The following CCDC171 variants were observed in gnomAD, a reference collection of about 807,000 sequenced individuals.
The protein encoded by CCDC171 is coiled-coil domain-containing protein 171.
CCDC171 carries 177 observed loss-of-function variants against 168.2 expected under a neutral mutation model. The ratio of observed to expected loss-of-function variants is 1.05; its 90% CI spans 0.93 to 1.19. The LOEUF (loss-of-function observed/expected upper bound fraction) is 1.19. Among genes scored for constraint, CCDC171 ranks in the 50% most tolerant of loss-of-function variants. The probability of loss-of-function intolerance (pLI) is 0.00; values close to 1 mark genes in which losing one functional copy is unlikely to be tolerated. For missense variants in CCDC171, 1,991 were observed against 1,539.0 expected (o/e 1.29, Z -4.91); for synonymous variants, 687 against 540.8 (o/e 1.27, Z -3.75).
intron 25 of CCDC171, among the ~76,000 whole-genome samples, chr9:15,923,630 A>G (rs1318174174): frequency 6.6e-6 from 1 of 151,304 alleles, no homozygotes; most frequent in Non-Finnish European, 1.5e-5. Flanking sequence ...GAAAAGTGCA[A>G]AGAGTGGATT....
intron 3 of CCDC171, among the ~76,000 whole-genome samples, chr9:15,573,502 G>C (rs1003666622): frequency 2.6e-5 from 4 of 152,016 alleles, no homozygotes; most frequent in African/African-American, 9.7e-5. Flanking sequence ...GGCTGGTCTT[G>C]AACTCCTCAC....
downstream of CCDC171, among the ~76,000 whole-genome samples, chr9:16,066,172 C>T (rs1215585900): frequency 6.6e-6 from 1 of 152,128 alleles, no homozygotes; most frequent in South Asian, 2.1e-4. Context: ...AACCTCTTCT[C>T]GGTCACTCTT....
chr9:15,648,984 C>G (rs1046650279), intron 7 of CCDC171, among the ~76,000 whole-genome samples: 21 of 152,276 alleles, frequency 1.4e-4, no homozygotes, highest in African/African-American at 4.6e-4. Context: ...ATCATGCTAC[C>G]TGACTTCAAA....
At chr9:16,005,174 T>A (rs531902797) in intron 3 of CCDC171, among the ~76,000 whole-genome samples, 36 of 152,334 alleles carry the variant, frequency 2.4e-4, no homozygotes, top group Admixed American at 2.1e-3. Flanking sequence ...CCACTCCACC[T>A]GCCCTAGGCA....
intron 8 of CCDC171, among the ~76,000 whole-genome samples, chr9:15,658,928 A>G (rs779245716): frequency 6.6e-6 from 1 of 152,162 alleles, no homozygotes; most frequent in Non-Finnish European, 1.5e-5. Flanking sequence ...CAGGGGACAA[A>G]CTGAGAATGC....
chr9:15,836,439 T>C (rs563447702), intron 21 of CCDC171, among the ~76,000 whole-genome samples: 35 of 152,182 alleles, frequency 2.3e-4, no homozygotes, highest in East Asian at 5.8e-4. Context: ...CATCTCGGCT[T>C]ACTGCAAGCT....
chr9:15,855,745 A>G (rs2061325935), intron 23 of CCDC171, among the ~76,000 whole-genome samples: 1 of 151,838 alleles, frequency 6.6e-6, no homozygotes, highest in South Asian at 2.1e-4. Context: ...ATTATAATTA[A>G]CATCTTAATT....
At chr9:15,722,503 CTT>C (rs1008423619) in intron 12 of CCDC171, among the ~76,000 whole-genome samples, 1 of 152,072 alleles carries the variant, frequency 6.6e-6, no homozygotes, top group Non-Finnish European at 1.5e-5. Flanking sequence ...TGAATTTGTG[CTT>C]TAAGAATTGA....
rs769755121 is a variant in CCDC171, at chr9:15,846,741, C to T, written c.3307C>T (p.Gln1103Ter). The T allele has an allele frequency of 9.3e-6, 15 of 1,612,836 alleles. No individual in the cohort carries two copies. The highest frequency in any genetic ancestry group is 1.3e-5 in the Non-Finnish European group (15 of 1,179,418). Residue 1103 changes from glutamine to a stop codon, truncating the protein, a stop_gained, in exon 22 of 26, where the codon CAA becomes TAA. Transcript: ENST00000380701. LOFTEE classifies it high-confidence loss of function. ...AAAGATGGAGCTGAGAAGAAAAGAT[C>T]AATCTCTGCGTCAGCTCAATAGACA... ...EAKMELRRKD[Q>*]SLRQLNRHLT...
At chr9:15,790,098 C>T (rs529923977) in intron 21 of CCDC171, among the ~76,000 whole-genome samples, 3 of 152,124 alleles carry the variant, frequency 2.0e-5, no homozygotes, top group Non-Finnish European at 4.4e-5. Flanking sequence ...GATTTATAAT[C>T]CTTTGGGTAT....
intron 6 of CCDC171, among the ~76,000 whole-genome samples, chr9:15,613,122 G>A (rs2043822956): frequency 6.6e-6 from 1 of 152,150 alleles, no homozygotes; most frequent in South Asian, 2.1e-4. Context: ...TTAGCTTTTT[G>A]AGGAACTGAC....
chr9:16,025,210 G>A (rs141898231), intron 6 of CCDC171, among the ~76,000 whole-genome samples: 2,404 of 152,306 alleles, frequency 0.016, 74 homozygotes, highest in South Asian at 0.1. Context: ...GGGAGGCCAA[G>A]GCAGGTGGAT....
downstream of CCDC171, among the ~76,000 whole-genome samples, chr9:16,062,531 C>G (rs1033700143): frequency 1.3e-5 from 2 of 151,934 alleles, no homozygotes; most frequent in Non-Finnish European, 2.9e-5. Flanking sequence ...CAAACCTGCC[C>G]CTGTATGCCC....
In CCDC171 at chr9:15,818,397, G is replaced by A. The variant is rs1001888119; in HGVS notation, c.3268-28305G>A. On this transcript the variant is annotated intron_variant, in intron 21 of 25. Coordinates refer to ENST00000380701, the MANE Select transcript of CCDC171 (RefSeq NM_173550.4). ...AGGCTTCAGAAGATAAAACTACTCC[G>A]AGCTAAAGGAGGAAGTTCGAACGAA... 2.3e-4 allele frequency among the ~76,000 whole-genome samples: 27 copies of A among 116,942 alleles called. 8 individuals are homozygous for A. The highest frequency in any genetic ancestry group is 8.7e-4 in the African/African-American group (27 of 31,040). 76.7% of individuals were successfully genotyped at this position (116,942 alleles called of 152,430 possible).
chr9:15,767,495 C>G (rs1222157787), intron 18 of CCDC171, among the ~76,000 whole-genome samples: 1 of 151,586 alleles, frequency 6.6e-6, no homozygotes, highest in East Asian at 2.0e-4. Flanking sequence ...GATTAGCAAA[C>G]TTCATTCCAT....
chr9:15,736,283 A>AT (rs1392664012), intron 16 of CCDC171, among the ~76,000 whole-genome samples: 1 of 152,074 alleles, frequency 6.6e-6, no homozygotes, highest in Admixed American at 6.6e-5. Flanking sequence ...AATATATGCT[A>AT]TTTTTATATA....
intron 1 of CCDC171, among the ~76,000 whole-genome samples, chr9:16,045,570 A>G (rs1158198085): frequency 6.6e-6 from 1 of 152,142 alleles, no homozygotes; most frequent in Non-Finnish European, 1.5e-5. Flanking sequence ...TTAGAACCAC[A>G]GGAGCCACAG....
At chr9:15,653,194 C>A (rs986129399) in intron 7 of CCDC171, among the ~76,000 whole-genome samples, 1 of 152,118 alleles carries the variant, frequency 6.6e-6, no homozygotes, top group Non-Finnish European at 1.5e-5. Context: ...GGTTGGAGTG[C>A]AGTAGCACCA....
intron 6 of CCDC171, among the ~76,000 whole-genome samples, chr9:16,028,569 T>C (rs1365369202): frequency 3.3e-5 from 5 of 152,218 alleles, no homozygotes; most frequent in Non-Finnish European, 7.3e-5. Context: ...CCTGCACTTT[T>C]GTTAAGTCTG....
Sources: allele counts gnomAD v4.1 joint callset (sites outside exome capture counted in the v4.1 genomes callset), GRCh38; gene constraint gnomAD v4.1.1; transcripts MANE v1.5; gene names NCBI Gene and HGNC (gene_info 2026-07-23, HGNC 2026-07-21).